Variants in FBXL20 observed in about 807,000 individuals in gnomAD.
The protein encoded by FBXL20 is F-box and leucine rich repeat protein 20.
A neutral mutation model predicts 64.0 loss-of-function variants in FBXL20; 11 were observed. The ratio of observed to expected loss-of-function variants is 0.17; its 90% confidence interval spans 0.11 to 0.28. The LOEUF (loss-of-function observed/expected upper bound fraction) is 0.28. Among genes scored for constraint, FBXL20 ranks in the 10% least tolerant of loss-of-function variants. The pLI, the probability that FBXL20 is intolerant of heterozygous loss-of-function variation, is 1.00. For missense variants in FBXL20, 303 were observed against 526.2 expected (o/e 0.58, Z 4.15); for synonymous variants, 184 against 189.0 (o/e 0.97, Z 0.22).
At position 39,401,603 on chromosome 17, in the gene FBXL20, C is replaced by T. The variant is rs1335479886; in HGVS notation, c.-201G>A. On this transcript the variant is annotated 5_prime_UTR_variant, in exon 1 of 15. Coordinates refer to ENST00000264658, the MANE Select transcript of FBXL20 (RefSeq NM_032875.3). Reference sequence around the variant, plus strand: ...GCGGCGCCGGCGGCCGCAACGACTGCTCGTCGCTAGCTCGGCTCTCTCCTC... The same window carrying T: ...GCGGCGCCGGCGGCCGCAACGACTGTTCGTCGCTAGCTCGGCTCTCTCCTC... 1.9e-5 allele frequency: 27 copies of T among 1,405,492 alleles called. No individual in the cohort carries two copies. Among genetic ancestry groups the T allele is most frequent in the Non-Finnish European group, 2.5e-5 (27 of 1,089,056 alleles). The allele number at this position is 1,405,492 out of a possible 1,614,324, so 87.1% of individuals were successfully genotyped here.
At chr17:39,280,401 CAAAAAAAAA>C (rs369912448) in intron 9 of FBXL20, among the ~76,000 whole-genome samples, 42 of 100,358 alleles carry the variant, frequency 4.2e-4, no homozygotes, top group African/African-American at 1.7e-3. Context: ...GACTCTGTCT[CAAAAAAAAA>C]AAAAAAAAAA....
At chr17:39,375,102 T>A (rs1374034882) in intron 1 of FBXL20, among the ~76,000 whole-genome samples, 1 of 152,080 alleles carries the variant, frequency 6.6e-6, no homozygotes. Flanking sequence ...TTCAATAATA[T>A]AGGACAAAGA....
At chr17:39,276,660 C>T (rs1019779287) in intron 9 of FBXL20, among the ~76,000 whole-genome samples, 2 of 152,194 alleles carry the variant, frequency 1.3e-5, no homozygotes, top group East Asian at 3.9e-4. Context: ...CAGCCTCAGC[C>T]TCCCAAAGTG....
rs1245990835 is a variant in FBXL20, at chr17:39,252,742, A to C, written c.*8718T>G. 6.6e-6 allele frequency: 1 copy of C among 150,924 alleles called. No individual in the cohort carries two copies. Among genetic ancestry groups the C allele is most frequent in the Non-Finnish European group, 1.5e-5 (1 of 67,786 alleles). 9.3% of individuals were successfully genotyped at this position (150,924 alleles called of 1,614,324 possible). A position where few individuals can be genotyped will look rare whatever the true frequency, so the allele number is the denominator to read the frequency against. On this transcript the variant is annotated 3_prime_UTR_variant, in exon 15 of 15. Transcript: ENST00000264658. ...AACAATAATAGTTACATAACAATTT[A>C]CTTTATATATTTATATATAAAAAAC...
chr17:39,298,898 CTT>C (rs1310388214), intron 5 of FBXL20, 90 bp downstream of exon 5: 11 of 959,278 alleles, frequency 1.1e-5, no homozygotes, highest in Non-Finnish European at 1.8e-5. Flanking sequence ...TTTTTAATAA[CTT>C]AGGAATTTTA....
intron 2 of FBXL20, among the ~76,000 whole-genome samples, chr17:39,306,097 G>A (rs1288332271): frequency 2.0e-5 from 3 of 151,970 alleles, no homozygotes; most frequent in Non-Finnish European, 4.4e-5. Context: ...TTCAGTTTGA[G>A]GCTGCAGTAA....
At chr17:39,354,642 T>G (rs1446093402) in intron 1 of FBXL20, among the ~76,000 whole-genome samples, 2 of 152,194 alleles carry the variant, frequency 1.3e-5, no homozygotes, top group African/African-American at 2.4e-5. Context: ...CTCTAATCCC[T>G]CCCCTCTTTT....
intron 1 of FBXL20, among the ~76,000 whole-genome samples, chr17:39,368,860 T>A (rs1473365578): frequency 5.9e-5 from 9 of 152,128 alleles, no homozygotes; most frequent in Admixed American, 5.9e-4. Context: ...TTTCACCATG[T>A]TAGCCAGGAT....
chr17:39,306,538 G>A (rs1455382852), intron 2 of FBXL20, among the ~76,000 whole-genome samples: 1 of 151,966 alleles, frequency 6.6e-6, no homozygotes, highest in Non-Finnish European at 1.5e-5. Flanking sequence ...AATGGTCCTG[G>A]CATTTTTGAC....
intron 2 of FBXL20, among the ~76,000 whole-genome samples, chr17:39,312,406 T>C (rs182358789): frequency 1.3e-5 from 2 of 149,630 alleles, no homozygotes; most frequent in African/African-American, 4.9e-5. Flanking sequence ...AGACCTATAC[T>C]CCATCTCAAA....
chr17:39,361,728 C>T (rs1434766287), intron 1 of FBXL20, among the ~76,000 whole-genome samples: 1 of 151,928 alleles, frequency 6.6e-6, no homozygotes, highest in Admixed American at 6.6e-5. Flanking sequence ...ACCTGGGAGG[C>T]GGAGTTTGCA....
chr17:39,336,959 T>TCCTCTCCCTCCTCTC (rs922706436), intron 2 of FBXL20, among the ~76,000 whole-genome samples: 2 of 150,898 alleles, frequency 1.3e-5, no homozygotes, highest in Admixed American at 6.6e-5. Context: ...TCCCTCTCCC[T>TCCTCTCCCTCCTCTC]CCTCTCCCTC....
At chr17:39,332,683 A>G (rs184205748) in intron 2 of FBXL20, among the ~76,000 whole-genome samples, 1,619 of 151,850 alleles carry the variant, frequency 0.011, 28 homozygotes, top group African/African-American at 0.038. Context: ...CTGGGACTAC[A>G]GGTGCCCGCC....
At chr17:39,287,114 T>C (rs553559364) in intron 6 of FBXL20, among the ~76,000 whole-genome samples, 66 of 152,018 alleles carry the variant, frequency 4.3e-4, no homozygotes, top group Non-Finnish European at 7.9e-4. Flanking sequence ...GTTTTCACCA[T>C]GTTGGCCAGG....
rs2046672032 is a variant in FBXL20, at chr17:39,253,890, T to G, written c.*7570A>C. ...GAGACTTTTTCAAGTTAAGATTTTC[T>G]AAGACCTTAGGTTTTCATTCTCTAG... On this transcript the variant is annotated 3_prime_UTR_variant, in exon 15 of 15. Transcript: ENST00000264658. The G allele has an allele frequency of 6.6e-6, 1 of 152,072 alleles. No individual in the cohort carries two copies. 9.4% of individuals were successfully genotyped at this position (152,072 alleles called of 1,614,324 possible). A position where few individuals can be genotyped will look rare whatever the true frequency, so the allele number is the denominator to read the frequency against.
In FBXL20 at chr17:39,259,535, G is replaced by C. The variant is rs963765747; in HGVS notation, c.*1925C>G. The C allele has an allele frequency of 6.6e-6, 1 of 151,934 alleles. No individual in the cohort carries two copies. Among genetic ancestry groups the C allele is most frequent in the African/African-American group, 2.4e-5 (1 of 41,312 alleles). The allele number at this position is 151,934 out of a possible 1,614,324, so 9.4% of individuals were successfully genotyped here. ...CCTCTGATTTTTTGGGAAGACAGAGGGTGCTTCTTCTTGGACTCTTGAGTC... is the reference window on the plus strand; with the variant it reads ...CCTCTGATTTTTTGGGAAGACAGAGCGTGCTTCTTCTTGGACTCTTGAGTC... On this transcript the variant is annotated 3_prime_UTR_variant, in exon 15 of 15. Transcript: ENST00000264658.
At chr17:39,281,299 G>T (rs1363739891) in intron 9 of FBXL20, 90 bp downstream of exon 9, 6 of 1,153,332 alleles carry the variant, frequency 5.2e-6, no homozygotes, top group Non-Finnish European at 5.1e-6. Context: ...AACAATACTG[G>T]TCTTGATGAC....
intron 2 of FBXL20, among the ~76,000 whole-genome samples, chr17:39,317,743 C>T (rs1045818878): frequency 2.8e-5 from 4 of 140,628 alleles, no homozygotes; most frequent in African/African-American, 1.1e-4. Flanking sequence ...ACTCTGTCAC[C>T]CAGGCTGGAG....
At chr17:39,289,155 T>C (rs572356946) in intron 6 of FBXL20, among the ~76,000 whole-genome samples, 1 of 152,290 alleles carries the variant, frequency 6.6e-6, no homozygotes, top group African/African-American at 2.4e-5. Flanking sequence ...CTGATGAACG[T>C]TCCTGTAATA....
Sources: allele counts gnomAD v4.1 joint callset (sites outside exome capture counted in the v4.1 genomes callset), GRCh38; gene constraint gnomAD v4.1.1; transcripts MANE v1.5; gene names NCBI Gene and HGNC (gene_info 2026-07-23, HGNC 2026-07-21).